CFAP54: variants seen among roughly 807,000 people sequenced by gnomAD.
The protein encoded by CFAP54 is cilia and flagella associated protein 54.
CFAP54 carries 290 observed loss-of-function variants against 370.4 expected under a neutral mutation model. The ratio of observed to expected loss-of-function variants is 0.78; its 90% confidence interval spans 0.71 to 0.86. CFAP54 has a LOEUF of 0.86. Among genes scored for constraint, CFAP54 ranks in the 40% least tolerant of loss-of-function variants. The pLI is 0.00. For synonymous variants in CFAP54, 1,206 were observed against 1,236.5 expected, an observed-to-expected ratio of 0.98 and a Z score of 0.52; for missense variants, 3,399 against 3,528.7, an observed-to-expected ratio of 0.96 and a Z score of 0.93.
intron 64 of CFAP54, among the ~76,000 whole-genome samples, chr12:96,813,692 TAC>T (rs1474184009): frequency 1.3e-5 from 2 of 152,230 alleles, no homozygotes; most frequent in Non-Finnish European, 2.9e-5. Context: ...CCTTTAAACC[TAC>T]AGTCATCCAT....
At chr12:96,804,239 T>G (rs1192573855) in intron 63 of CFAP54, among the ~76,000 whole-genome samples, 1 of 152,114 alleles carries the variant, frequency 6.6e-6, no homozygotes, top group Non-Finnish European at 1.5e-5. Context: ...AAGGAAAGGA[T>G]GCCCATTTTC....
intron 32 of CFAP54, among the ~76,000 whole-genome samples, chr12:96,633,974 A>AT: frequency 6.8e-6 from 1 of 147,140 alleles, no homozygotes; most frequent in South Asian, 2.2e-4. Flanking sequence ...AATTTTAGCT[A>AT]TTAAAATAGG....
intron 45 of CFAP54, among the ~76,000 whole-genome samples, chr12:96,696,951 A>G (rs959783486): frequency 2.6e-5 from 4 of 152,154 alleles, no homozygotes; most frequent in African/African-American, 9.7e-5. Flanking sequence ...AATAGATCAC[A>G]CTCTGAAGTT....
chr12:96,727,745 T>A (rs1957861286), intron 50 of CFAP54, among the ~76,000 whole-genome samples: 2 of 152,136 alleles, frequency 1.3e-5, no homozygotes, highest in South Asian at 4.2e-4. Flanking sequence ...ATTTTGCTCG[T>A]TAGTTGATGC....
intron 22 of CFAP54, among the ~76,000 whole-genome samples, chr12:96,582,286 A>G (rs1256644504): frequency 1.3e-5 from 2 of 152,160 alleles, no homozygotes; most frequent in African/African-American, 2.4e-5. Flanking sequence ...CTGACTTAAA[A>G]CATGTCATCA....
intron 50 of CFAP54, among the ~76,000 whole-genome samples, chr12:96,724,598 G>A (rs1232765139): frequency 1.3e-5 from 2 of 151,994 alleles, no homozygotes; most frequent in African/African-American, 4.8e-5. Context: ...TGAGTAGGTT[G>A]CGAAAATTTT....
intron 26 of CFAP54, among the ~76,000 whole-genome samples, chr12:96,611,270 C>T (rs532118146): frequency 6.6e-6 from 1 of 152,362 alleles, no homozygotes; most frequent in South Asian, 2.1e-4. Flanking sequence ...GATACCCAGG[C>T]AAACAGCGTC....
chr12:96,614,121 G>A (rs1029543234), intron 26 of CFAP54, among the ~76,000 whole-genome samples: 67 of 152,218 alleles, frequency 4.4e-4, no homozygotes, highest in African/African-American at 1.5e-3. Context: ...TCAATAAAAT[G>A]CTGGCAAACG....
At chr12:96,864,967 A>G (rs1959966555) in intron 67 of CFAP54, among the ~76,000 whole-genome samples, 1 of 152,136 alleles carries the variant, frequency 6.6e-6, no homozygotes, top group African/African-American at 2.4e-5. Context: ...TATTTATTTA[A>G]TATTATCTAT....
intron 26 of CFAP54, 92 bp from the exon 27 acceptor site, chr12:96,621,498 A>G: frequency 2.2e-6 from 2 of 912,740 alleles, no homozygotes; most frequent in Non-Finnish European, 1.5e-6. Flanking sequence ...TGAAAACTCT[A>G]TGGGGCTTTT....
chr12:96,651,717 C>G lies in CFAP54; in HGVS notation c.5002C>G (p.Gln1668Glu), dbSNP rs1956859881. 1 of 1,613,732 alleles carries G rather than the reference C, an allele frequency of 6.2e-7. No homozygotes were observed. Among genetic ancestry groups the G allele is most frequent in the African/African-American group, 1.3e-5 (1 of 74,902 alleles). ...VDLDKTFPIS[Q>E]DGFLCTSVLP... ...TCTTGATAAAACATTTCCTATTAGC[C>G]AAGATGGTTTCCTCTGCACCTCTGT... Residue 1668 changes from glutamine to glutamate, a missense_variant, in exon 36 of 68, where the codon CAA becomes GAA. By Grantham distance (29) the Gln-to-Glu change is conservative. Around this residue, in one of 3 missense-constraint regions of CFAP54, gnomAD observed 2,796 missense variants for 2,869.7 expected, o/e 0.97. Coordinates refer to ENST00000524981, the MANE Select transcript of CFAP54 (RefSeq NM_001306084.2).
At chr12:96,862,509 A>C (rs535838864) in intron 67 of CFAP54, among the ~76,000 whole-genome samples, 9 of 152,282 alleles carry the variant, frequency 5.9e-5, no homozygotes, top group Non-Finnish European at 1.0e-4. Flanking sequence ...GCATTTAATA[A>C]ATATTGGAAG....
rs149768062 is a variant in CFAP54 at position 96,669,608 on chromosome 12, C to T, written c.5563+5676C>T. Among the ~76,000 whole-genome samples, 261 of 152,248 alleles carry T rather than the reference C, an allele frequency of 1.7e-3. 1 individual carries two copies. The highest frequency in any genetic ancestry group is 5.9e-3 in the African/African-American group (246 of 41,540). ...GGGTGAGGAAGGGAGGAGTTCAAGT[C>T]GCCTTGGTTTCTGGCTTGGGTAGCC... On this transcript the variant is annotated intron_variant, in intron 39 of 67. Transcript: ENST00000524981.
chr12:96,561,486 C>T (rs1231615234), intron 17 of CFAP54, among the ~76,000 whole-genome samples: 1 of 151,940 alleles, frequency 6.6e-6, no homozygotes, highest in African/African-American at 2.4e-5. Flanking sequence ...TAATACAGCC[C>T]CCATTATTCT....
intron 26 of CFAP54, among the ~76,000 whole-genome samples, chr12:96,611,619 A>G (rs1156903266): frequency 6.6e-6 from 1 of 152,242 alleles, no homozygotes; most frequent in East Asian, 1.9e-4. Context: ...AACCCATCGC[A>G]AAGAAGCTAA....
intron 2 of CFAP54, among the ~76,000 whole-genome samples, chr12:96,501,751 T>C (rs949859839): frequency 1.3e-5 from 2 of 152,248 alleles, no homozygotes; most frequent in African/African-American, 2.4e-5. Flanking sequence ...TTAATCCTCT[T>C]GGTCTGGGAG....
At chr12:96,519,859 A>G (rs766251129) in intron 6 of CFAP54, among the ~76,000 whole-genome samples, 2 of 152,236 alleles carry the variant, frequency 1.3e-5, no homozygotes, top group African/African-American at 4.8e-5. Flanking sequence ...CATGCTGTGC[A>G]ATAGATCTCA....
chr12:96,747,360 A>AT (rs1958128431), intron 55 of CFAP54, among the ~76,000 whole-genome samples: 1 of 152,182 alleles, frequency 6.6e-6, no homozygotes. Flanking sequence ...GATGATGTTT[A>AT]TTGTCTTCTT....
chr12:96,799,898 T>C (rs1958804291), intron 63 of CFAP54, among the ~76,000 whole-genome samples: 2 of 152,198 alleles, frequency 1.3e-5, no homozygotes, highest in Admixed American at 6.5e-5. Flanking sequence ...TAAAAATGTT[T>C]CCTGAAACTT....
Sources: gnomAD v4.1 joint callset for allele counts (sites outside exome capture counted in the v4.1 genomes callset) on GRCh38, gnomAD v4.1.1 for gene constraint, gnomAD v4.1.1 regional missense constraint, MANE v1.5 for transcripts, NCBI Gene and HGNC (gene_info 2026-07-23, HGNC 2026-07-21) for gene names.